Variants in GRIN2D observed in about 807,000 individuals in gnomAD.
GRIN2D encodes glutamate ionotropic receptor NMDA type subunit 2D.
A neutral mutation model predicts 103.2 loss-of-function variants in GRIN2D; 37 were observed. The observed-to-expected ratio is 0.36, with a 90% CI of 0.28 to 0.47. GRIN2D has a LOEUF of 0.47. Ranked by LOEUF, GRIN2D falls within the 20% of genes least tolerant of loss-of-function variation. The probability of loss-of-function intolerance (pLI) is 1.00; values close to 1 mark genes in which losing one functional copy is unlikely to be tolerated. For missense variants in GRIN2D, 1,557 were observed against 1,910.6 expected (o/e 0.81, Z 3.45); for synonymous variants, 845 against 885.6 (o/e 0.95, Z 0.81).
At position 48,408,031 on chromosome 19, in the gene GRIN2D, A is replaced by G. The variant is rs1422379761; in HGVS notation, c.1085+2678A>G. 3.3e-5 allele frequency among the ~76,000 whole-genome samples: 5 copies of G among 152,008 alleles called. No individual in the cohort carries two copies. In the East Asian group the frequency reaches 9.7e-4, roughly 29 times the overall value. On this transcript the variant is annotated intron_variant, in intron 4 of 13. Transcript: ENST00000263269. ...AGTGAGAACTCCATCTCTACAAAAA[A>G]TTTAAAGATTAGCTGGGCGTTGGCC...
chr19:48,400,154 G>T (rs914222513), intron 3 of GRIN2D, among the ~76,000 whole-genome samples: 5 of 152,168 alleles, frequency 3.3e-5, no homozygotes, highest in Non-Finnish European at 7.3e-5. Context: ...GGCACAGAAG[G>T]GGCCAGTTGT....
chr19:48,424,963 C>T (rs919229962), intron 11 of GRIN2D, among the ~76,000 whole-genome samples: 3 of 152,182 alleles, frequency 2.0e-5, no homozygotes, highest in Admixed American at 6.6e-5. Context: ...CCCCTTCTTC[C>T]GTTTTCTTCT....
intron 11 of GRIN2D, among the ~76,000 whole-genome samples, chr19:48,428,353 C>G (rs1053923523): frequency 1.4e-4 from 20 of 147,900 alleles, no homozygotes; most frequent in Non-Finnish European, 2.1e-4. Flanking sequence ...CCCCCTCCCC[C>G]TCCCCGCTTT....
At chr19:48,408,680 C>A (rs755794542) in intron 4 of GRIN2D, among the ~76,000 whole-genome samples, 2 of 151,470 alleles carry the variant, frequency 1.3e-5, no homozygotes, top group Admixed American at 1.3e-4. Context: ...CTTAGCCGGG[C>A]GTGGTGACAG....
chr19:48,442,206 A>G lies in GRIN2D; in HGVS notation c.2497A>G (p.Ile833Val), dbSNP rs1971303779. Reference sequence around the variant, plus strand: ...CTCTGGGATCTGCCACAATGACAAAATCGAGGTGATGAGCAGCAAGCTGGA... The same window carrying G: ...CTCTGGGATCTGCCACAATGACAAAGTCGAGGTGATGAGCAGCAAGCTGGA... The part of the protein sequence containing the change: ...WLSGICHNDK[I>V]EVMSSKLDID... The change falls in exon 13 of 14, where the codon ATC becomes GTC. Residue 833 changes from isoleucine (I) to valine (V), a missense_variant. By Grantham distance (29) the Ile-to-Val change is conservative (BLOSUM62 3). Around this residue, in one of 7 missense-constraint regions of GRIN2D, gnomAD observed 138 missense variants for 270.2 expected, o/e 0.51. Coordinates refer to ENST00000263269, the MANE Select transcript of GRIN2D (RefSeq NM_000836.4). The surrounding 1 kb of genome is among the most constrained non-coding windows in gnomAD (Gnocchi z 7.2). 6.2e-7 allele frequency: 1 copy of G among 1,614,168 alleles called. No homozygotes were observed. Among genetic ancestry groups the G allele is most frequent in the Non-Finnish European group, 8.5e-7 (1 of 1,180,026 alleles).
Position 48,443,274 on chromosome 19 carries a change from G to A in GRIN2D, c.3348G>A (p.Glu1116=). 1 of 1,534,516 alleles carries A rather than the reference G, an allele frequency of 6.5e-7. No homozygotes were observed. The highest frequency in any genetic ancestry group is 1.2e-5 in the South Asian group (1 of 84,994). Residue 1116 remains glutamate, a synonymous_variant, in exon 14 of 14, where the codon GAG becomes GAA. Coordinates refer to ENST00000263269, the MANE Select transcript of GRIN2D (RefSeq NM_000836.4). The surrounding 1 kb of genome is among the most constrained non-coding windows in gnomAD (Gnocchi z 8.9). ...TCGAGCCGTCGCCGTCGGACTCGGA[G>A]GACTCGGAGAGCCTGGGCGGCGCGT... ...LDLEPSPSDS[E]DSESLGGASL... is the part of the protein sequence containing the mutation.
rs1569063919 is a variant in GRIN2D at position 48,414,084 on chromosome 19, CAG to C, written c.1183_1184del (p.Asp395GlnfsTer248). The C allele has an allele frequency of 6.2e-7, 1 of 1,606,062 alleles. No homozygotes were observed. The highest frequency in any genetic ancestry group is 1.7e-5 in the Admixed American group (1 of 59,972). On this transcript the variant is annotated frameshift_variant, in exon 5 of 14. Coordinates refer to ENST00000263269, the MANE Select transcript of GRIN2D (RefSeq NM_000836.4). LOFTEE classifies it high-confidence loss of function. The surrounding 1 kb of genome is among the most constrained non-coding windows in gnomAD (Gnocchi z 4.6). ...CCTCCCTGGTGGTCATCTCCCTCAC[CAG>C]AGACAGGACGTGGGAGGTGGTGAGT... ...NPSLVVISLTRDRTWEVVGSW... is the reference protein window; with the variant it reads ...NPSLVVISLTXDRTWEVVGSW...
chr19:48,427,626 C>G (rs1292896645), intron 11 of GRIN2D, among the ~76,000 whole-genome samples: 1 of 151,132 alleles, frequency 6.6e-6, no homozygotes, highest in African/African-American at 2.4e-5. Flanking sequence ...TTACAGGCAT[C>G]TGCCACTATG....
chr19:48,420,140 C>T (rs993203366), intron 10 of GRIN2D, among the ~76,000 whole-genome samples: 1 of 152,062 alleles, frequency 6.6e-6, no homozygotes, highest in Admixed American at 6.6e-5. Context: ...ATTTTTGAAA[C>T]TTCTAAGGCT....
chr19:48,428,843 C>A (rs1184940374), intron 11 of GRIN2D, among the ~76,000 whole-genome samples: 1 of 152,116 alleles, frequency 6.6e-6, no homozygotes, highest in Non-Finnish European at 1.5e-5. Flanking sequence ...ACCCTTAAGA[C>A]CTCATAAAAA....
chr19:48,436,237 G>A (rs1971228315), intron 11 of GRIN2D, among the ~76,000 whole-genome samples: 1 of 152,136 alleles, frequency 6.6e-6, no homozygotes, highest in Non-Finnish European at 1.5e-5. Flanking sequence ...TTGGCGGGTA[G>A]GGGCTTGGGA....
chr19:48,442,976 C>A lies in GRIN2D; in HGVS notation c.3050C>A (p.Ala1017Asp). 2 of 1,121,628 alleles carry A rather than the reference C, an allele frequency of 1.8e-6. No individual in the cohort carries two copies. Among genetic ancestry groups the A allele is most frequent in the Non-Finnish European group, 1.1e-6 (1 of 909,956 alleles). The allele number at this position is 1,121,628 out of a possible 1,614,324, so 69.5% of individuals were successfully genotyped here. ...GCCATCGTACGCGACAAGGAGCCAG[C>A]CGAGCCCCCCGCCGGCGCCTTCCCC... ...YFAIVRDKEPAEPPAGAFPGF... is the reference protein window; with the variant it reads ...YFAIVRDKEPDEPPAGAFPGF... Residue 1017 changes from alanine to aspartate, a missense_variant, in exon 14 of 14, where the codon GCC (alanine) becomes GAC (aspartate). Physicochemically the swap from Ala to Asp is moderately radical, Grantham distance 126 (BLOSUM62 -2). Around this residue, in one of 7 missense-constraint regions of GRIN2D, gnomAD observed 632 missense variants for 572.8 expected, o/e 1.10. Transcript: ENST00000263269. The surrounding 1 kb of genome is among the most constrained non-coding windows in gnomAD (Gnocchi z 7.2).
rs962364042 is a variant in GRIN2D at position 48,393,696 on chromosome 19, C to T, written c.-478C>T. On this transcript the variant is annotated 5_prime_UTR_variant, in exon 1 of 14. Coordinates refer to ENST00000263269, the MANE Select transcript of GRIN2D (RefSeq NM_000836.4). The surrounding 1 kb of genome is among the most constrained non-coding windows in gnomAD (Gnocchi z 5.6). ...CCGAGTGAGTGTGTGTGTGCGAGAACACAGCGAGTGTGTGAGTCCCTCCCG... is the reference window on the plus strand; with the variant it reads ...CCGAGTGAGTGTGTGTGTGCGAGAATACAGCGAGTGTGTGAGTCCCTCCCG... 1.3e-5 allele frequency among the ~76,000 whole-genome samples: 2 copies of T among 151,920 alleles called. No homozygotes were observed. The highest frequency in any genetic ancestry group is 4.8e-5 in the African/African-American group (2 of 41,338).
At chr19:48,396,023 C>T (rs1251933207) in intron 2 of GRIN2D, among the ~76,000 whole-genome samples, 3 of 151,974 alleles carry the variant, frequency 2.0e-5, no homozygotes, top group Non-Finnish European at 2.9e-5. Flanking sequence ...TGGGTCTTTA[C>T]GGGAGGAGGT....
At position 48,394,483 on chromosome 19, in the gene GRIN2D, G is replaced by A. The variant is rs1044931360; in HGVS notation, c.-305-175G>A. Among the ~76,000 whole-genome samples the A allele has an allele frequency of 1.3e-5, 2 of 150,980 alleles. No individual in the cohort carries two copies. The highest frequency in any genetic ancestry group is 2.1e-4 in the South Asian group (1 of 4,760). ...GGTGGGGGGGCTGAGGGCACAAAGC[G>A]GGGGTGCGAGTGAGCCAGGGAGAGG... is the stretch of plus-strand genomic sequence containing the variant. On this transcript the variant is annotated intron_variant, in intron 1 of 13. Coordinates refer to ENST00000263269, the MANE Select transcript of GRIN2D (RefSeq NM_000836.4). This position sits in a 1 kb window ranked among gnomAD's most constrained non-coding sequence, Gnocchi z 5.1.
Position 48,442,826 on chromosome 19 carries a change from C to T in GRIN2D, c.2900C>T (p.Pro967Leu). The change falls in exon 14 of 14, where the codon CCC becomes CTC. Residue 967 changes from proline (P) to leucine (L), a missense_variant. Around this residue, in one of 7 missense-constraint regions of GRIN2D, gnomAD observed 632 missense variants for 572.8 expected, o/e 1.10. Transcript: ENST00000263269. The surrounding 1 kb of genome is among the most constrained non-coding windows in gnomAD (Gnocchi z 7.2). ...GACGGCTTCCACCGCTACTACGGCC[C>T]CATCGAGCCGCAGGGCCTAGGCCTC... The part of the protein sequence containing the change: ...LADGFHRYYG[P>L]IEPQGLGLGL... 2 of 1,080,106 alleles carry T rather than the reference C, an allele frequency of 1.9e-6. No individual in the cohort carries two copies. Among genetic ancestry groups the T allele is most frequent in the Non-Finnish European group, 2.2e-6 (2 of 892,086 alleles). 66.9% of individuals were successfully genotyped at this position (1,080,106 alleles called of 1,614,324 possible).
intron 4 of GRIN2D, among the ~76,000 whole-genome samples, chr19:48,413,661 C>CA (rs11368422): frequency 0.63 from 36,186 of 57,242 alleles, 11,851 homozygotes; most frequent in East Asian, 0.83. Flanking sequence ...GACTCTGTCT[C>CA]AAAAAAAAAA....
At chr19:48,441,382 A>AAAAG (rs1555894965) in intron 11 of GRIN2D, among the ~76,000 whole-genome samples, 2,582 of 105,014 alleles carry the variant, frequency 0.025, 239 homozygotes, top group Middle Eastern at 0.042. Context: ...AAAAAAAAAA[A>AAAAG]AAAGAAAGAA....
chr19:48,396,051 T>G (rs539966248), intron 2 of GRIN2D, among the ~76,000 whole-genome samples: 1 of 152,126 alleles, frequency 6.6e-6, no homozygotes, highest in Non-Finnish European at 1.5e-5. Context: ...AGCGCTTCCG[T>G]CTGAGGAAGG....
Sources: gnomAD v4.1 joint callset for allele counts (sites outside exome capture counted in the v4.1 genomes callset) on GRCh38, gnomAD v4.1.1 for gene constraint, gnomAD v4.1.1 regional missense constraint, Gnocchi (gnomAD v3.1) non-coding constraint, MANE v1.5 for transcripts, NCBI Gene and HGNC (gene_info 2026-07-23, HGNC 2026-07-21) for gene names.